FOXP2: variants seen among roughly 807,000 people sequenced by gnomAD.
The protein encoded by FOXP2 is forkhead box protein P2.
Under a neutral mutation model 115.8 loss-of-function variants are expected in FOXP2, and 12 were observed. The observed-to-expected ratio is 0.10, with a 90% CI of 0.07 to 0.17. The LOEUF (loss-of-function observed/expected upper bound fraction) is 0.17, where lower values mean the gene tolerates loss of function less well. FOXP2 is among the 10% of genes least tolerant of loss of function. FOXP2 has a pLI of 1.00. For missense variants in FOXP2, 629 were observed against 843.5 expected (o/e 0.75, Z 3.15); for synonymous variants, 328 against 297.7 (o/e 1.10, Z -1.05).
At chr7:114,669,078 G>A (rs1302877476) in intron 16 of FOXP2, 1 of 151,900 alleles carries the variant, frequency 6.6e-6, no homozygotes, top group Non-Finnish European at 1.5e-5. Context: ...TAATTAATAT[G>A]TATTTTATAA....
intron 1 of FOXP2, among the ~76,000 whole-genome samples, chr7:114,274,352 A>G (rs1459971217): frequency 1.3e-5 from 2 of 152,118 alleles, no homozygotes; most frequent in Non-Finnish European, 2.9e-5. Flanking sequence ...AATTAAGCAT[A>G]AGAAAAATAA....
chr7:114,155,069 T>C, intron 1 of FOXP2, among the ~76,000 whole-genome samples: 1 of 152,266 alleles, frequency 6.6e-6, no homozygotes, highest in East Asian at 1.9e-4. Flanking sequence ...AATACAGTTA[T>C]TAATAGAATT....
intron 1 of FOXP2, among the ~76,000 whole-genome samples, chr7:114,282,009 A>C (rs1728438): frequency 0.58 from 87,349 of 151,832 alleles, 27,376 homozygotes; most frequent in Admixed American, 0.75. Flanking sequence ...TACATGTTTC[A>C]CTCAATGTGG....
chr7:114,342,749 C>T (rs952428020), intron 2 of FOXP2, among the ~76,000 whole-genome samples: 4 of 151,410 alleles, frequency 2.6e-5, no homozygotes, highest in African/African-American at 9.7e-5. Context: ...AGTTCATCTC[C>T]TCTATGCCAA....
chr7:114,108,624 T>A (rs1014215291), intron 1 of FOXP2, among the ~76,000 whole-genome samples: 1 of 151,942 alleles, frequency 6.6e-6, no homozygotes, highest in African/African-American at 2.4e-5. Flanking sequence ...ACTTAGAACA[T>A]AAGTTTAAGA....
At chr7:114,107,288 A>G (rs1172734992) in intron 1 of FOXP2, among the ~76,000 whole-genome samples, 2 of 152,000 alleles carry the variant, frequency 1.3e-5, no homozygotes, top group African/African-American at 2.4e-5. Context: ...TGGAACTGAA[A>G]TCCTCTCCTT....
chr7:114,640,360 G>A (rs565983697), intron 6 of FOXP2, among the ~76,000 whole-genome samples: 17 of 152,148 alleles, frequency 1.1e-4, no homozygotes, highest in Admixed American at 2.6e-4. Context: ...GAATTATCCT[G>A]TTTTTTCTTT....
Position 114,494,018 on chromosome 7 carries a change from G to A in FOXP2, c.169-40599G>A, listed in dbSNP as rs369450005. Among the ~76,000 whole-genome samples the A allele has an allele frequency of 5.5e-4, 83 of 152,034 alleles. No individual in the cohort carries two copies. In the East Asian group the frequency reaches 0.013, roughly 23 times the overall value. On this transcript the variant is annotated intron_variant, in intron 2 of 16. Coordinates refer to ENST00000350908, the MANE Select transcript of FOXP2 (RefSeq NM_014491.4). ...TTCTTTCTATGCTGTCAGAATGAGG[G>A]TTTTTGAATTAACATATTTCTGAAT...
At chr7:114,538,055 A>T (rs1238846150) in intron 3 of FOXP2, among the ~76,000 whole-genome samples, 1 of 151,652 alleles carries the variant, frequency 6.6e-6, no homozygotes, top group African/African-American at 2.4e-5. Flanking sequence ...GTTCATAGTG[A>T]TCCATAATGA....
At chr7:114,455,141 G>A (rs1055543685) in intron 2 of FOXP2, among the ~76,000 whole-genome samples, 1 of 152,000 alleles carries the variant, frequency 6.6e-6, no homozygotes, top group South Asian at 2.1e-4. Context: ...CATATTCAAT[G>A]TCCAATAAAT....
intron 1 of FOXP2, among the ~76,000 whole-genome samples, chr7:114,152,244 T>C (rs1322052807): frequency 6.6e-6 from 1 of 152,166 alleles, no homozygotes; most frequent in African/African-American, 2.4e-5. Context: ...GAATACATAA[T>C]TTTTACATGT....
At chr7:114,169,468 T>G (rs1793078310) in intron 1 of FOXP2, among the ~76,000 whole-genome samples, 1 of 152,226 alleles carries the variant, frequency 6.6e-6, no homozygotes, top group Admixed American at 6.5e-5. Flanking sequence ...TTTGGTCAAT[T>G]TCTTCCATTT....
chr7:114,195,897 G>A (rs1013665024), intron 1 of FOXP2, among the ~76,000 whole-genome samples: 5 of 152,096 alleles, frequency 3.3e-5, no homozygotes, highest in East Asian at 1.9e-4. Flanking sequence ...AGGGAGAATC[G>A]CTTGAGCCCA....
upstream of FOXP2, among the ~76,000 whole-genome samples, chr7:114,412,477 T>G (rs1215040089): frequency 6.6e-6 from 1 of 152,122 alleles, no homozygotes; most frequent in Non-Finnish European, 1.5e-5. Flanking sequence ...CACTTCTTCC[T>G]AATACATTTG....
At chr7:114,417,832 G>T (rs1793415234) in intron 1 of FOXP2, among the ~76,000 whole-genome samples, 1 of 151,800 alleles carries the variant, frequency 6.6e-6, no homozygotes, top group South Asian at 2.1e-4. Context: ...ACTGACAAAT[G>T]CATGCATTTT....
chr7:114,584,255 CT>C (rs1035667023), intron 3 of FOXP2, among the ~76,000 whole-genome samples: 12 of 152,106 alleles, frequency 7.9e-5, no homozygotes, highest in East Asian at 1.9e-4. Context: ...TAAAGGAAAT[CT>C]TTTCCCCCAC....
chr7:114,334,921 A>T (rs936713142), intron 2 of FOXP2, among the ~76,000 whole-genome samples: 2 of 132,538 alleles, frequency 1.5e-5, no homozygotes, highest in Non-Finnish European at 3.2e-5. Flanking sequence ...TATTTTATAT[A>T]TATAGAAATC....
intron 2 of FOXP2, among the ~76,000 whole-genome samples, chr7:114,475,100 C>G (rs1038357717): frequency 1.3e-5 from 2 of 152,028 alleles, no homozygotes; most frequent in South Asian, 2.1e-4. Context: ...GTCAATTTAT[C>G]AAATACTTAC....
chr7:114,273,446 C>T (rs1235538008), intron 1 of FOXP2, among the ~76,000 whole-genome samples: 2 of 151,988 alleles, frequency 1.3e-5, no homozygotes, highest in Non-Finnish European at 2.9e-5. Context: ...ATGTAGTCTA[C>T]AGATGTTACT....
Sources: gnomAD v4.1 joint callset for allele counts (sites outside exome capture counted in the v4.1 genomes callset) on GRCh38, gnomAD v4.1.1 for gene constraint, MANE v1.5 for transcripts, NCBI Gene and HGNC (gene_info 2026-07-23, HGNC 2026-07-21) for gene names.